The following TRIML2 variants were observed in gnomAD, a reference collection of about 807,000 sequenced individuals.
TRIML2 encodes tripartite motif family like 2.
TRIML2 carries 28 observed loss-of-function variants against 31.2 expected under a neutral mutation model. The observed-to-expected ratio is 0.90, with a 90% CI of 0.66 to 1.23. The LOEUF (loss-of-function observed/expected upper bound fraction) is 1.23. Ranked by LOEUF, TRIML2 falls within the 50% of genes most tolerant of loss-of-function variation. The probability of loss-of-function intolerance (pLI) is 0.00; values close to 1 mark genes in which losing one functional copy is unlikely to be tolerated. For synonymous variants in TRIML2, 187 were observed against 197.5 expected (o/e 0.95, Z 0.45); for missense variants, 536 against 528.3 (o/e 1.01, Z -0.14).
Position 188,091,832 on chromosome 4 carries a change from T to A in TRIML2, c.855A>T (p.Glu285Asp), listed in dbSNP as rs74726938. Residue 285 changes from glutamate to aspartate, a missense_variant, in exon 8 of 8, where the codon GAA (glutamate) becomes GAT (aspartate). Coordinates refer to ENST00000682553, the MANE Select transcript of TRIML2 (RefSeq NM_173553.4). ...GCACCATGGCACTGAAATCCAATCTTTCTGGGTTGCCAGCCCCATCCTGCT... is the reference window on the plus strand; with the variant it reads ...GCACCATGGCACTGAAATCCAATCTATCTGGGTTGCCAGCCCCATCCTGCT... The part of the protein sequence containing the change: ...HGQQDGAGNP[E>D]RLDFSAMVLA... 3.3e-5 allele frequency: 53 copies of A among 1,614,156 alleles called. No individual in the cohort carries two copies. In the African/African-American group the frequency reaches 6.5e-4, roughly 20 times the overall value.
chr4:188,091,668 A>G lies in TRIML2; in HGVS notation c.1019T>C (p.Leu340Ser). Residue 340 changes from leucine (L) to serine (S), a missense_variant, in exon 8 of 8, where the codon TTG (leucine) becomes TCG (serine). By Grantham distance (145) the Leu-to-Ser change is moderately radical (BLOSUM62 -2). Transcript: ENST00000682553. ...STARASGEKV[L>S]LTGSVMGTEW... is the part of the protein sequence containing the mutation. ...GGTCCCCATCACCGACCCCGTGAGCAAGACTTTCTCTCCGGAAGCTCTGGC... is the reference window on the plus strand; with the variant it reads ...GGTCCCCATCACCGACCCCGTGAGCGAGACTTTCTCTCCGGAAGCTCTGGC... 1.2e-6 allele frequency: 2 copies of G among 1,613,396 alleles called. No individual in the cohort carries two copies. The highest frequency in any genetic ancestry group is 1.7e-6 in the Non-Finnish European group (2 of 1,179,378).
intron 3 of TRIML2, among the ~76,000 whole-genome samples, chr4:188,103,848 A>T (rs1280275744): frequency 6.6e-6 from 1 of 152,122 alleles, no homozygotes; most frequent in Non-Finnish European, 1.5e-5. Flanking sequence ...AACACATGGT[A>T]CTTGGAACTG....
chr4:188,092,065 G>A (rs1733288116), intron 7 of TRIML2, 124 bp from the exon 8 acceptor site: 3 of 962,330 alleles, frequency 3.1e-6, no homozygotes, highest in Non-Finnish European at 4.5e-6. Context: ...ATACGGGAGA[G>A]GCAATTTGGG....
At chr4:188,101,336 T>C in intron 3 of TRIML2, 86 bp from the exon 4 acceptor site, 2 of 689,288 alleles carry the variant, frequency 2.9e-6, no homozygotes, top group South Asian at 2.4e-5. Flanking sequence ...GATATCTATA[T>C]CTATATATAG....
At chr4:188,099,562 T>TA (rs1733679613) in intron 4 of TRIML2, among the ~76,000 whole-genome samples, 4 of 111,412 alleles carry the variant, frequency 3.6e-5, no homozygotes, top group Admixed American at 9.0e-5. Flanking sequence ...AGACTCCAAA[T>TA]CAAAAAAAAA....
chr4:188,102,356 T>C (rs1733835853), intron 3 of TRIML2, among the ~76,000 whole-genome samples: 2 of 151,870 alleles, frequency 1.3e-5, no homozygotes, highest in Admixed American at 1.3e-4. Context: ...AGAGAGAATC[T>C]ATGGAAAGGC....
chr4:188,106,896 CAAG>C (rs1217749128), intron 1 of TRIML2: 188 of 261,508 alleles, frequency 7.2e-4, no homozygotes, highest in Admixed American at 1.6e-3. Flanking sequence ...CCATCTTTGG[CAAG>C]AAGAAGGGCC....
At chr4:188,107,160 G>T (rs533772648) in intron 1 of TRIML2, among the ~76,000 whole-genome samples, 6 of 152,010 alleles carry the variant, frequency 3.9e-5, no homozygotes, top group Non-Finnish European at 7.4e-5. Context: ...GACTACAGGC[G>T]CGTGAAACCA....
rs958058380 is a variant in TRIML2, at chr4:188,091,280, C to T, written c.*93G>A. 1.3e-5 allele frequency: 16 copies of T among 1,221,956 alleles called. No homozygotes were observed. Among genetic ancestry groups the T allele is most frequent in the African/African-American group, 9.1e-5 (6 of 65,692 alleles). The allele number at this position is 1,221,956 out of a possible 1,614,324, so 75.7% of individuals were successfully genotyped here. A position where few individuals can be genotyped will look rare whatever the true frequency, so the allele number is the denominator to read the frequency against. Reference sequence around the variant, plus strand: ...TTAAATCAGGCTCCTACTCCTGGAACGCTTTTTATTGGGTTAGTTTACACA... The same window carrying T: ...TTAAATCAGGCTCCTACTCCTGGAATGCTTTTTATTGGGTTAGTTTACACA... On this transcript the variant is annotated 3_prime_UTR_variant, in exon 8 of 8. Transcript: ENST00000682553.
chr4:188,099,206 C>G, intron 4 of TRIML2, 31 bp from the exon 5 acceptor site: 2 of 1,562,054 alleles, frequency 1.3e-6, no homozygotes, highest in Non-Finnish European at 1.7e-6. Flanking sequence ...TACTATTCAA[C>G]AACCTCAAGT....
intron 3 of TRIML2, among the ~76,000 whole-genome samples, chr4:188,104,095 AAAGG>A (rs1733921964): frequency 6.6e-6 from 1 of 152,144 alleles, no homozygotes; most frequent in East Asian, 1.9e-4. Flanking sequence ...ATTGCTCTTT[AAAGG>A]GTTTTAGAAT....
In TRIML2 at chr4:188,104,947, C is replaced by T. The variant is rs1733962905; in HGVS notation, c.190-15G>A. On this transcript the variant is annotated splice_polypyrimidine_tract_variant and intron_variant, in intron 2 of 7. Coordinates refer to ENST00000682553, the MANE Select transcript of TRIML2 (RefSeq NM_173553.4). Reference sequence around the variant, plus strand: ...TGGAATAACTTCTATAGAGAAAGCACAGAATTCCAGGTGAGATCATTGATT... The same window carrying T: ...TGGAATAACTTCTATAGAGAAAGCATAGAATTCCAGGTGAGATCATTGATT... 3.1e-6 allele frequency: 5 copies of T among 1,601,168 alleles called. No homozygotes were observed. Among genetic ancestry groups the T allele is most frequent in the Non-Finnish European group, 3.4e-6 (4 of 1,168,394 alleles).
At chr4:188,100,439 T>C (rs1733729109) in intron 4 of TRIML2, among the ~76,000 whole-genome samples, 1 of 152,214 alleles carries the variant, frequency 6.6e-6, no homozygotes, top group Non-Finnish European at 1.5e-5. Context: ...AGGTGAATTC[T>C]AGGCCGGGCG....
intron 1 of TRIML2, among the ~76,000 whole-genome samples, chr4:188,107,822 G>T (rs1734101511): frequency 1.3e-5 from 2 of 152,062 alleles, no homozygotes; most frequent in African/African-American, 4.8e-5. Context: ...GAGAGCTATA[G>T]ATCCAAGTTC....
rs112042108 is a variant in TRIML2 at position 188,095,906 on chromosome 4, A to G, written c.745+1155T>C. ...ACACGAAGCAGCCTGGACGTTCTAT[A>G]TGTCAACTGCAGTATGCTGTCAGCC... On this transcript the variant is annotated intron_variant, in intron 7 of 7. Coordinates refer to ENST00000682553, the MANE Select transcript of TRIML2 (RefSeq NM_173553.4). 5.5e-3 allele frequency among the ~76,000 whole-genome samples: 833 copies of G among 152,328 alleles called. 7 individuals are homozygous for G. The highest frequency in any genetic ancestry group is 0.019 in the African/African-American group (770 of 41,572).
chr4:188,105,613 GCCAGTGTTCTAAGA>G, intron 1 of TRIML2, 23 bp from the exon 2 acceptor site: 1 of 392,322 alleles, frequency 2.5e-6, no homozygotes, highest in African/African-American at 2.0e-5. Flanking sequence ...ACAGAGTTAG[GCCAGTGTTCTAAGA>G]CCAGCGGGTT....
intron 5 of TRIML2, 94 bp from the exon 6 acceptor site, chr4:188,097,440 T>G (rs533984969): frequency 8.6e-7 from 1 of 1,163,202 alleles, no homozygotes; most frequent in South Asian, 1.3e-5. Context: ...ATGAACTCAA[T>G]TTCCATGTCA....
intron 3 of TRIML2, among the ~76,000 whole-genome samples, chr4:188,103,216 G>A (rs542104690): frequency 5.0e-4 from 76 of 152,002 alleles, no homozygotes; most frequent in African/African-American, 1.7e-3. Flanking sequence ...TAGCCAGGAT[G>A]GTCTCGATCT....
At chr4:188,102,997 C>A (rs1312746418) in intron 3 of TRIML2, among the ~76,000 whole-genome samples, 2 of 148,182 alleles carry the variant, frequency 1.3e-5, no homozygotes. Flanking sequence ...TCTGCTTTTA[C>A]TCTCTTGGTT....
Sources: allele counts gnomAD v4.1 joint callset (sites outside exome capture counted in the v4.1 genomes callset), GRCh38; gene constraint gnomAD v4.1.1; transcripts MANE v1.5; gene names NCBI Gene and HGNC (gene_info 2026-07-23, HGNC 2026-07-21).